Variants in CDH18 observed in about 807,000 individuals in gnomAD.
CDH18 encodes cadherin 18, also known as cadherin-18.
CDH18 carries 31 observed loss-of-function variants against 67.9 expected under a neutral mutation model. The ratio of observed to expected loss-of-function variants is 0.46; its 90% CI spans 0.34 to 0.62. The LOEUF is 0.62. Among genes scored for constraint, CDH18 ranks in the 20% least tolerant of loss-of-function variants. The probability of loss-of-function intolerance (pLI) is 0.01; values close to 1 mark genes in which losing one functional copy is unlikely to be tolerated. For synonymous variants in CDH18, 362 were observed against 347.2 expected (o/e 1.04, Z -0.48); for missense variants, 890 against 975.5 (o/e 0.91, Z 1.17).
chr5:20,069,772 A>C (rs941753898), intron 2 of CDH18, among the ~76,000 whole-genome samples: 7 of 152,178 alleles, frequency 4.6e-5, no homozygotes, highest in Non-Finnish European at 8.8e-5. Flanking sequence ...GGCAAAATTC[A>C]GAGAAAGGTA....
chr5:20,420,322 T>C lies in CDH18; in HGVS notation c.-580+155140A>G, dbSNP rs1453961876. ...CTTTGTAAAGGTTAAATCCATCCAC[T>C]AGAAATGATAAGAGTTAAGGACTTA... On this transcript the variant is annotated intron_variant, in intron 1 of 14. Transcript: ENST00000507958. 2.0e-5 allele frequency among the ~76,000 whole-genome samples: 3 copies of C among 151,042 alleles called. No homozygotes were observed. In the East Asian group the frequency reaches 5.8e-4, roughly 29 times the overall value.
intron 1 of CDH18, among the ~76,000 whole-genome samples, chr5:20,279,465 G>A (rs969465502): frequency 6.6e-5 from 10 of 151,934 alleles, no homozygotes; most frequent in Non-Finnish European, 1.2e-4. Flanking sequence ...CTGGGAGGCC[G>A]AGGCAGGTGG....
chr5:19,776,168 G>C (rs1774345704), intron 3 of CDH18, among the ~76,000 whole-genome samples: 1 of 152,098 alleles, frequency 6.6e-6, no homozygotes, highest in African/African-American at 2.4e-5. Flanking sequence ...TTAGTGAATG[G>C]ATTAAACAGC....
At chr5:20,311,286 C>T (rs1193187881) in intron 1 of CDH18, among the ~76,000 whole-genome samples, 1 of 151,092 alleles carries the variant, frequency 6.6e-6, no homozygotes, top group East Asian at 2.0e-4. Context: ...CCCAGCAATC[C>T]CATTACTGGG....
intron 1 of CDH18, among the ~76,000 whole-genome samples, chr5:20,339,074 G>T (rs189937345): frequency 2.0e-5 from 3 of 152,220 alleles, no homozygotes; most frequent in Non-Finnish European, 1.5e-5. Context: ...CACTCTGAAT[G>T]GGGGAAGCAG....
At chr5:19,475,165 T>C (rs1053458191) in intron 12 of CDH18, among the ~76,000 whole-genome samples, 5 of 151,378 alleles carry the variant, frequency 3.3e-5, no homozygotes, top group Non-Finnish European at 4.4e-5. Context: ...GGATTCTCAA[T>C]TAAACGTGAA....
intron 2 of CDH18, among the ~76,000 whole-genome samples, chr5:20,192,429 C>T (rs1410520492): frequency 1.3e-5 from 2 of 152,046 alleles, no homozygotes; most frequent in Non-Finnish European, 2.9e-5. Flanking sequence ...TTGCCAAATG[C>T]TTATGTCCTG....
At chr5:19,995,261 G>A (rs1045332440) in intron 2 of CDH18, among the ~76,000 whole-genome samples, 1 of 151,830 alleles carries the variant, frequency 6.6e-6, no homozygotes, top group Non-Finnish European at 1.5e-5. Context: ...AAACCATCAC[G>A]CCTATTTCTA....
chr5:19,867,188 GACT>G (rs1464813394), intron 2 of CDH18, among the ~76,000 whole-genome samples: 1 of 152,128 alleles, frequency 6.6e-6, no homozygotes. Context: ...TAATTCTACA[GACT>G]ACTAAAATTG....
At chr5:20,272,017 A>C (rs1180885277) in intron 1 of CDH18, among the ~76,000 whole-genome samples, 1 of 152,082 alleles carries the variant, frequency 6.6e-6, no homozygotes, top group Non-Finnish European at 1.5e-5. Flanking sequence ...TTTTATGAAT[A>C]AAGAATTAAG....
At chr5:19,497,523 A>G (rs1484044534) in intron 11 of CDH18, among the ~76,000 whole-genome samples, 5 of 152,224 alleles carry the variant, frequency 3.3e-5, no homozygotes, top group African/African-American at 1.2e-4. Context: ...CAGGTGAATC[A>G]TCAGATTCCA....
intron 2 of CDH18, among the ~76,000 whole-genome samples, chr5:20,246,598 T>A (rs1465426296): frequency 1.3e-5 from 1 of 74,748 alleles, no homozygotes; most frequent in East Asian, 4.2e-4. Context: ...AAGATGATAA[T>A]GTATTAATAA....
At chr5:20,193,174 T>C (rs1738684030) in intron 2 of CDH18, among the ~76,000 whole-genome samples, 1 of 151,794 alleles carries the variant, frequency 6.6e-6, no homozygotes, top group Non-Finnish European at 1.5e-5. Context: ...TGTGAAATAA[T>C]TAACAAAATA....
At chr5:20,284,112 G>T (rs1291539752) in intron 1 of CDH18, among the ~76,000 whole-genome samples, 1 of 151,918 alleles carries the variant, frequency 6.6e-6, no homozygotes, top group African/African-American at 2.4e-5. Context: ...GGATGGTAGC[G>T]GGGAGTGGGC....
At chr5:19,901,686 T>C (rs1789951327) in intron 2 of CDH18, among the ~76,000 whole-genome samples, 1 of 152,056 alleles carries the variant, frequency 6.6e-6, no homozygotes, top group Non-Finnish European at 1.5e-5. Context: ...TGATAGAATT[T>C]ATAATATTAG....
chr5:20,495,363 A>G (rs1753842928), intron 1 of CDH18, among the ~76,000 whole-genome samples: 1 of 152,186 alleles, frequency 6.6e-6, no homozygotes, highest in Non-Finnish European at 1.5e-5. Context: ...TCAATAACCT[A>G]AAGGAGAACG....
At chr5:19,660,853 A>G (rs1757060044) in intron 5 of CDH18, among the ~76,000 whole-genome samples, 1 of 152,090 alleles carries the variant, frequency 6.6e-6, no homozygotes, top group African/African-American at 2.4e-5. Flanking sequence ...AGAGGCCTCA[A>G]TGTAGCCACC....
intron 9 of CDH18, among the ~76,000 whole-genome samples, chr5:19,540,690 C>T (rs1218616688): frequency 2.0e-5 from 3 of 152,140 alleles, no homozygotes; most frequent in Admixed American, 2.0e-4. Flanking sequence ...TAGGAAGCCA[C>T]TGCCCAAGCT....
intron 1 of CDH18, among the ~76,000 whole-genome samples, chr5:20,369,353 A>C (rs988451017): frequency 6.6e-6 from 1 of 152,216 alleles, no homozygotes; most frequent in African/African-American, 2.4e-5. Flanking sequence ...TGCAACCTGC[A>C]AAAAGAAACA....
Sources: allele counts gnomAD v4.1 joint callset (sites outside exome capture counted in the v4.1 genomes callset), GRCh38; gene constraint gnomAD v4.1.1; transcripts MANE v1.5; gene names NCBI Gene and HGNC (gene_info 2026-07-23, HGNC 2026-07-21).